The following IRF2 variants were observed in gnomAD, a reference collection of about 807,000 sequenced individuals.
IRF2 encodes the protein interferon regulatory factor 2.
IRF2 carries 15 observed loss-of-function variants against 40.6 expected under a neutral mutation model. The ratio of observed to expected loss-of-function variants is 0.37; its 90% CI spans 0.25 to 0.57. The LOEUF is 0.57. IRF2 is among the 20% of genes least tolerant of loss of function. The pLI, the probability that IRF2 is intolerant of heterozygous loss-of-function variation, is 0.77. For missense variants in IRF2, 317 were observed against 455.7 expected, an observed-to-expected ratio of 0.70 and a Z score of 2.77; for synonymous variants, 151 against 165.5, an observed-to-expected ratio of 0.91 and a Z score of 0.67.
rs74943424 is a variant in IRF2 at position 184,408,073 on chromosome 4, G to A, written c.529+85C>T. ...TCCAAGACCTCCTCCCACTGACTAT[G>A]TTATTTGAAGTTCTCTGTTTTACAA... On this transcript the variant is annotated intron_variant, in intron 6 of 8. Transcript: ENST00000393593. This position sits in a 1 kb window ranked among gnomAD's most constrained non-coding sequence, Gnocchi z 4.9. 55,071 of 756,074 alleles carry A rather than the reference G, an allele frequency of 0.073. 2,269 individuals are homozygous for A. The highest frequency in any genetic ancestry group is 0.14 in the Middle Eastern group (568 of 4,184). 46.8% of individuals were successfully genotyped at this position (756,074 alleles called of 1,614,324 possible).
At chr4:184,412,952 G>C (rs532925808) in intron 5 of IRF2, among the ~76,000 whole-genome samples, 31 of 152,154 alleles carry the variant, frequency 2.0e-4, no homozygotes, top group Non-Finnish European at 4.1e-4. Flanking sequence ...CTTTCTAGCT[G>C]GCATTTACCT....
intron 7 of IRF2, among the ~76,000 whole-genome samples, chr4:184,397,697 A>G (rs1292845493): frequency 3.3e-5 from 5 of 152,242 alleles, no homozygotes; most frequent in African/African-American, 1.2e-4. Flanking sequence ...TGTAAAGAGC[A>G]CAGGGAAGAA....
chr4:184,410,546 G>A (rs1438707393), intron 5 of IRF2, among the ~76,000 whole-genome samples: 1 of 152,094 alleles, frequency 6.6e-6, no homozygotes, highest in South Asian at 2.1e-4. Context: ...CCCCTGGTCA[G>A]TTTCCCCACC....
rs938992855 is a variant in IRF2, at chr4:184,388,561, C to T, written c.*197G>A. The stretch of plus-strand genomic sequence containing the variant: ...AGATCCAGCAGGCTCTAGAAACACA[C>T]GTCTACCAATGGGCTGGAGTCCTGA... On this transcript the variant is annotated 3_prime_UTR_variant, in exon 9 of 9. Transcript: ENST00000393593. This position sits in a 1 kb window ranked among gnomAD's most constrained non-coding sequence, Gnocchi z 4.6. 1.2e-5 allele frequency: 7 copies of T among 576,896 alleles called. No homozygotes were observed. Among genetic ancestry groups the T allele is most frequent in the Admixed American group, 3.6e-5 (1 of 27,912 alleles). 35.7% of individuals were successfully genotyped at this position (576,896 alleles called of 1,614,324 possible).
At chr4:184,454,286 T>C (rs1274424673) in intron 1 of IRF2, among the ~76,000 whole-genome samples, 1 of 152,202 alleles carries the variant, frequency 6.6e-6, no homozygotes, top group Non-Finnish European at 1.5e-5. Context: ...GGTGTTATTA[T>C]TATTAATTAT....
At chr4:184,400,644 T>C (rs1277030887) in intron 6 of IRF2, among the ~76,000 whole-genome samples, 2 of 152,232 alleles carry the variant, frequency 1.3e-5, no homozygotes, top group African/African-American at 4.8e-5. Flanking sequence ...GCCAAACTGC[T>C]TCCCGGAGTG....
At chr4:184,423,057 T>A (rs1184306322) in intron 2 of IRF2, among the ~76,000 whole-genome samples, 1 of 152,202 alleles carries the variant, frequency 6.6e-6, no homozygotes, top group African/African-American at 2.4e-5. Context: ...GAAGACCATA[T>A]GAAAAGGTAA....
chr4:184,427,727 C>T (rs1737721577), intron 2 of IRF2, among the ~76,000 whole-genome samples: 1 of 152,046 alleles, frequency 6.6e-6, no homozygotes, highest in African/African-American at 2.4e-5. Context: ...TCTGAAAAGA[C>T]CCAATAAGGC....
chr4:184,390,492 C>G (rs912941693), intron 8 of IRF2, among the ~76,000 whole-genome samples: 2 of 152,214 alleles, frequency 1.3e-5, no homozygotes, highest in African/African-American at 4.8e-5. Flanking sequence ...ATTTAACTCC[C>G]TTTCCTCCTT....
At chr4:184,465,103 T>C (rs1347739847) in intron 1 of IRF2, among the ~76,000 whole-genome samples, 1 of 152,224 alleles carries the variant, frequency 6.6e-6, no homozygotes, top group African/African-American at 2.4e-5. Flanking sequence ...TAAAGAATGT[T>C]AACTGTGAAG....
chr4:184,410,110 G>A (rs1463831080), intron 5 of IRF2, among the ~76,000 whole-genome samples: 1 of 152,032 alleles, frequency 6.6e-6, no homozygotes, highest in Non-Finnish European at 1.5e-5. Context: ...GCAGAATCAA[G>A]CTCCCAGAAG....
intron 7 of IRF2, among the ~76,000 whole-genome samples, chr4:184,395,895 T>C (rs1440438340): frequency 6.6e-6 from 1 of 152,224 alleles, no homozygotes; most frequent in Non-Finnish European, 1.5e-5. Context: ...GATCTGCTGT[T>C]CTCCGGAATC....
intron 1 of IRF2, among the ~76,000 whole-genome samples, chr4:184,471,207 T>A (rs1239256906): frequency 2.0e-5 from 3 of 152,222 alleles, no homozygotes; most frequent in African/African-American, 7.2e-5. Flanking sequence ...TCATATACAG[T>A]ATCTCAATTG....
chr4:184,416,975 G>A (rs1327472086), intron 5 of IRF2, among the ~76,000 whole-genome samples: 4 of 152,136 alleles, frequency 2.6e-5, no homozygotes, highest in Non-Finnish European at 5.9e-5. Flanking sequence ...GAACCCAGGA[G>A]GCGGAGGTTG....
intron 6 of IRF2, among the ~76,000 whole-genome samples, chr4:184,400,926 C>A (rs949044412): frequency 6.6e-6 from 1 of 152,224 alleles, no homozygotes; most frequent in Admixed American, 6.5e-5. Flanking sequence ...GTCCTCAAAG[C>A]ACTTTGCCAC....
intron 1 of IRF2, among the ~76,000 whole-genome samples, chr4:184,470,540 G>T (rs1739475692): frequency 6.6e-6 from 1 of 151,976 alleles, no homozygotes; most frequent in Non-Finnish European, 1.5e-5. Flanking sequence ...AATTAGCCAG[G>T]CATGGTAGCG....
At position 184,426,968 on chromosome 4, in the gene IRF2, C is replaced by T. The variant is rs141756567; in HGVS notation, c.87+2010G>A. Among the ~76,000 whole-genome samples, 47 of 152,324 alleles carry T rather than the reference C, an allele frequency of 3.1e-4. No homozygotes were observed. In the East Asian group the frequency reaches 7.7e-3, roughly 25 times the overall value. ...CTGTACCTACCCCATGGTGGCGGAA[C>T]GTGAGCTAATGCATGTACCTTGCTT... On this transcript the variant is annotated intron_variant, in intron 2 of 8. Coordinates refer to ENST00000393593, the MANE Select transcript of IRF2 (RefSeq NM_002199.4).
intron 7 of IRF2, among the ~76,000 whole-genome samples, chr4:184,393,530 C>T (rs893545495): frequency 6.6e-6 from 1 of 152,196 alleles, no homozygotes; most frequent in Non-Finnish European, 1.5e-5. Flanking sequence ...GGGTAAGGCT[C>T]CCGGGTAAGA....
In IRF2 at chr4:184,406,966, G is replaced by C. The variant is rs772510123; in HGVS notation, c.529+1192C>G. ...TGACTTCCTAATTGCCGTATGTCTAGTCACTACAGACTGCTCTAGTTACTC... is the reference window on the plus strand; with the variant it reads ...TGACTTCCTAATTGCCGTATGTCTACTCACTACAGACTGCTCTAGTTACTC... On this transcript the variant is annotated intron_variant, in intron 6 of 8. Coordinates refer to ENST00000393593, the MANE Select transcript of IRF2 (RefSeq NM_002199.4). Among the ~76,000 whole-genome samples, 76 of 152,320 alleles carry C rather than the reference G, an allele frequency of 5.0e-4. 1 individual carries two copies. In the Middle Eastern group the frequency reaches 0.017, roughly 34 times the overall value.
Sources: gnomAD v4.1 joint callset for allele counts (sites outside exome capture counted in the v4.1 genomes callset) on GRCh38, gnomAD v4.1.1 for gene constraint, Gnocchi (gnomAD v3.1) non-coding constraint, MANE v1.5 for transcripts, NCBI Gene and HGNC (gene_info 2026-07-23, HGNC 2026-07-21) for gene names.